Variants in TOX observed in about 807,000 individuals in gnomAD.
TOX encodes thymocyte selection-associated high mobility group box protein TOX.
Under a neutral mutation model 53.7 loss-of-function variants are expected in TOX, and 11 were observed. That is an observed-to-expected ratio of 0.20 (90% CI 0.13 to 0.34). TOX has a LOEUF of 0.34. Among genes scored for constraint, TOX ranks in the 10% least tolerant of loss-of-function variants. TOX has a pLI of 1.00. For synonymous variants in TOX, 225 were observed against 245.3 expected, an observed-to-expected ratio of 0.92 and a Z score of 0.77; for missense variants, 570 against 664.6, an observed-to-expected ratio of 0.86 and a Z score of 1.56.
chr8:59,047,712 T>A (rs1803715389), intron 1 of TOX, among the ~76,000 whole-genome samples: 2 of 152,122 alleles, frequency 1.3e-5, no homozygotes, highest in Non-Finnish European at 2.9e-5. Context: ...TAGCTGGGAC[T>A]ACAGGAATAT....
At chr8:58,905,125 G>A (rs1244783918) in intron 3 of TOX, among the ~76,000 whole-genome samples, 5 of 152,150 alleles carry the variant, frequency 3.3e-5, no homozygotes, top group Non-Finnish European at 5.9e-5. Context: ...TAGAGACGGG[G>A]TTTTACCATG....
intron 3 of TOX, among the ~76,000 whole-genome samples, chr8:58,930,237 T>C (rs1256038166): frequency 1.3e-5 from 2 of 152,198 alleles, no homozygotes; most frequent in Non-Finnish European, 2.9e-5. Flanking sequence ...TGTACCTGTC[T>C]GGGGGAAATA....
chr8:59,094,857 T>A (rs1804688228), intron 1 of TOX, among the ~76,000 whole-genome samples: 1 of 152,200 alleles, frequency 6.6e-6, no homozygotes, highest in Non-Finnish European at 1.5e-5. Flanking sequence ...TTTAGTCACC[T>A]TTTATCCTGG....
At chr8:58,965,892 T>G (rs181415552) in intron 1 of TOX, among the ~76,000 whole-genome samples, 3 of 121,848 alleles carry the variant, frequency 2.5e-5, no homozygotes, top group East Asian at 2.6e-4. Flanking sequence ...TTACGAGTCA[T>G]CGTTTTTTTT....
chr8:59,075,833 C>T (rs1586004303), intron 1 of TOX, among the ~76,000 whole-genome samples: 1 of 151,994 alleles, frequency 6.6e-6, no homozygotes, highest in Admixed American at 6.5e-5. Flanking sequence ...TGAAGAAACC[C>T]CGTCTCTACT....
At chr8:59,113,295 G>A (rs1436964912) in intron 1 of TOX, among the ~76,000 whole-genome samples, 3 of 152,130 alleles carry the variant, frequency 2.0e-5, no homozygotes, top group Non-Finnish European at 4.4e-5. Flanking sequence ...AAATGGTAGG[G>A]GGTGTGGAAG....
chr8:59,052,370 A>T (rs1048800236), intron 1 of TOX, among the ~76,000 whole-genome samples: 6 of 152,222 alleles, frequency 3.9e-5, no homozygotes, highest in African/African-American at 1.4e-4. Flanking sequence ...GGAATAGATC[A>T]CTTTAATGAA....
chr8:59,115,684 C>T (rs1047373985), intron 1 of TOX, among the ~76,000 whole-genome samples: 1 of 152,126 alleles, frequency 6.6e-6, no homozygotes, highest in African/African-American at 2.4e-5. Context: ...ATGTGTCTGT[C>T]CAGTCTATGA....
chr8:59,040,031 G>C (rs1803546430), intron 1 of TOX, among the ~76,000 whole-genome samples: 1 of 152,136 alleles, frequency 6.6e-6, no homozygotes, highest in Admixed American at 6.6e-5. Flanking sequence ...AATAAAAACT[G>C]TATTCTAAGA....
intron 1 of TOX, among the ~76,000 whole-genome samples, chr8:59,104,317 C>T (rs575772655): frequency 6.6e-6 from 1 of 152,276 alleles, no homozygotes; most frequent in South Asian, 2.1e-4. Flanking sequence ...CTGCAGGCCC[C>T]TCCCGGTTTG....
Position 59,047,206 on chromosome 8 carries a change from T to G in TOX, c.102+71680A>C, listed in dbSNP as rs202047670. On this transcript the variant is annotated intron_variant, in intron 1 of 8. Transcript: ENST00000361421. ...TTGAACAATTCCACCAAGAATTGTT[T>G]TTTTTTTTTTTTTTTTTTTTTTTTT... 6.6e-3 allele frequency among the ~76,000 whole-genome samples: 591 copies of G among 88,912 alleles called. 4 individuals are homozygous for G. The highest frequency in any genetic ancestry group is 0.045 in the South Asian group (93 of 2,086). 58.3% of individuals were successfully genotyped at this position (88,912 alleles called of 152,430 possible).
intron 3 of TOX, among the ~76,000 whole-genome samples, chr8:58,903,070 G>A (rs10095333): frequency 0.54 from 82,763 of 152,076 alleles, 22,920 homozygotes; most frequent in African/African-American, 0.63. Context: ...TCTTCGAATG[G>A]AGCATAACTT....
chr8:58,996,981 T>C (rs1813571777), intron 1 of TOX, among the ~76,000 whole-genome samples: 1 of 152,234 alleles, frequency 6.6e-6, no homozygotes, highest in Admixed American at 6.5e-5. Context: ...GTGGTTGATT[T>C]CCTACCTAAG....
intron 5 of TOX, among the ~76,000 whole-genome samples, chr8:58,828,759 G>A (rs1810404794): frequency 6.6e-6 from 1 of 151,930 alleles, no homozygotes. Flanking sequence ...TTTCCTTAAA[G>A]CTCTTCTCAA....
intron 1 of TOX, among the ~76,000 whole-genome samples, chr8:59,095,604 T>A (rs1804700686): frequency 6.6e-6 from 1 of 152,112 alleles, no homozygotes; most frequent in Admixed American, 6.5e-5. Context: ...TTCACCATGT[T>A]GGCCAGGCTG....
At chr8:58,947,474 A>C (rs1370923239) in intron 2 of TOX, among the ~76,000 whole-genome samples, 1 of 152,186 alleles carries the variant, frequency 6.6e-6, no homozygotes, top group Non-Finnish European at 1.5e-5. Context: ...CAATTTGGTA[A>C]AGTATAATTT....
chr8:58,808,097 T>C (rs774079408), intron 8 of TOX, 21 bp downstream of exon 8: 3 of 1,601,562 alleles, frequency 1.9e-6, no homozygotes, highest in East Asian at 2.2e-5. Context: ...CACCACCAGG[T>C]GGCGATGACC....
At chr8:58,815,270 C>A (rs1810153527) in intron 7 of TOX, 68 bp downstream of exon 7, 4 of 1,511,712 alleles carry the variant, frequency 2.6e-6, no homozygotes, top group Non-Finnish European at 3.5e-6. Flanking sequence ...ATAAACAGCT[C>A]CCCCCACCTC....
At chr8:58,888,128 G>C (rs1811503162) in intron 3 of TOX, among the ~76,000 whole-genome samples, 1 of 152,006 alleles carries the variant, frequency 6.6e-6, no homozygotes, top group African/African-American at 2.4e-5. Context: ...TAAAAATGTG[G>C]TATTATAATC....
Sources: gnomAD v4.1 joint callset for allele counts (sites outside exome capture counted in the v4.1 genomes callset) on GRCh38, gnomAD v4.1.1 for gene constraint, MANE v1.5 for transcripts, NCBI Gene and HGNC (gene_info 2026-07-23, HGNC 2026-07-21) for gene names.